Variants in C16orf87 observed in about 807,000 individuals in gnomAD.
C16orf87 encodes the protein HDAC and MIER1 interacting protein 1, also known as UPF0547 protein C16orf87.
C16orf87 carries 13 observed loss-of-function variants against 21.0 expected under a neutral mutation model. That is an observed-to-expected ratio of 0.62 (90% CI 0.40 to 0.98). The LOEUF is 0.98. Ranked by LOEUF, C16orf87 falls within the 50% of genes least tolerant of loss-of-function variation. The probability of loss-of-function intolerance (pLI) is 0.00; values close to 1 mark genes in which losing one functional copy is unlikely to be tolerated. For synonymous variants in C16orf87, 49 were observed against 60.2 expected (o/e 0.81, Z 0.86); for missense variants, 113 against 180.4 (o/e 0.63, Z 2.14).
intron 3 of C16orf87, among the ~76,000 whole-genome samples, chr16:46,805,438 C>T (rs543575448): frequency 6.6e-6 from 1 of 152,260 alleles, no homozygotes; most frequent in African/African-American, 2.4e-5. Flanking sequence ...CATTTTCCAA[C>T]TGGCTTTTTG....
chr16:46,804,904 GA>G (rs1431753203), intron 3 of C16orf87, among the ~76,000 whole-genome samples: 1 of 152,110 alleles, frequency 6.6e-6, no homozygotes, highest in African/African-American at 2.4e-5. Flanking sequence ...ACATGTTTTT[GA>G]AATTCATTGA....
intron 2 of C16orf87, among the ~76,000 whole-genome samples, chr16:46,817,726 G>A (rs1325310243): frequency 6.6e-6 from 1 of 151,642 alleles, no homozygotes. Flanking sequence ...GGATTATCCT[G>A]GGAGTACAAT....
chr16:46,808,135 C>T (rs1567308238), intron 3 of C16orf87: 1 of 454,206 alleles, frequency 2.2e-6, no homozygotes, highest in Non-Finnish European at 4.4e-6. Context: ...TTTCTGCACC[C>T]TATTGTTAAA....
rs1567302599 is a variant in C16orf87, at chr16:46,798,161, C to T, written c.*4791G>A. 2.0e-5 allele frequency: 3 copies of T among 152,128 alleles called. No homozygotes were observed. Among genetic ancestry groups the T allele is most frequent in the Non-Finnish European group, 4.4e-5 (3 of 68,010 alleles). The allele number at this position is 152,128 out of a possible 1,614,324, so 9.4% of individuals were successfully genotyped here. On this transcript the variant is annotated 3_prime_UTR_variant, in exon 4 of 4. Transcript: ENST00000285697. ...CCCAAAGCAAAGAAAGGAGAAAATA[C>T]TAAAGATCAGAAATTAATGAAACTT...
chr16:46,824,962 C>A (rs1186147071), intron 1 of C16orf87, among the ~76,000 whole-genome samples: 2 of 152,094 alleles, frequency 1.3e-5, no homozygotes, highest in Non-Finnish European at 2.9e-5. Context: ...CCACACCCGG[C>A]CTGATACTCA....
At position 46,796,686 on chromosome 16, in the gene C16orf87, TTTG is replaced by T. The variant is rs1356062950; in HGVS notation, c.*6263_*6265del. 1 of 152,226 alleles carries T rather than the reference TTTG, an allele frequency of 6.6e-6. No homozygotes were observed. Among genetic ancestry groups the T allele is most frequent in the African/African-American group, 2.4e-5 (1 of 41,468 alleles). 9.4% of individuals were successfully genotyped at this position (152,226 alleles called of 1,614,324 possible). On this transcript the variant is annotated 3_prime_UTR_variant, in exon 4 of 4. Coordinates refer to ENST00000285697, the MANE Select transcript of C16orf87 (RefSeq NM_001001436.4). ...CATCATGCTGCATACAATATATGAT[TTTG>T]TTAACTGAAATGATTTATTAAAATA...
At chr16:46,815,440 T>C (rs746980563) in intron 2 of C16orf87, among the ~76,000 whole-genome samples, 1 of 150,094 alleles carries the variant, frequency 6.7e-6, no homozygotes, top group Non-Finnish European at 1.5e-5. Context: ...CAAAGGACAC[T>C]ATCAACAGAC....
intron 1 of C16orf87, among the ~76,000 whole-genome samples, chr16:46,825,955 C>T (rs1567317629): frequency 6.6e-6 from 1 of 151,732 alleles, no homozygotes; most frequent in Non-Finnish European, 1.5e-5. Flanking sequence ...CTATAGTCCC[C>T]CTGTTGTGCT....
chr16:46,811,929 G>C (rs1442308074), intron 2 of C16orf87, among the ~76,000 whole-genome samples: 1 of 152,024 alleles, frequency 6.6e-6, no homozygotes, highest in Non-Finnish European at 1.5e-5. Context: ...TCTCAGCCTG[G>C]GTGACAAAGC....
chr16:46,813,436 T>C (rs988731694), intron 2 of C16orf87, among the ~76,000 whole-genome samples: 1 of 143,718 alleles, frequency 7.0e-6, no homozygotes, highest in Admixed American at 7.2e-5. Flanking sequence ...ACAGGCAACA[T>C]CCCAGTCAAA....
chr16:46,811,221 AG>A (rs769551546), intron 2 of C16orf87, among the ~76,000 whole-genome samples: 3 of 152,124 alleles, frequency 2.0e-5, no homozygotes, highest in Non-Finnish European at 2.9e-5. Flanking sequence ...AGAGAGAAGC[AG>A]GCCAGGCGCG....
At chr16:46,822,879 A>T (rs1386530652) in intron 2 of C16orf87, among the ~76,000 whole-genome samples, 1 of 152,150 alleles carries the variant, frequency 6.6e-6, no homozygotes, top group Non-Finnish European at 1.5e-5. Context: ...TACAAACAAA[A>T]TCCAAACTTC....
At chr16:46,812,445 T>A (rs1968117283) in intron 2 of C16orf87, among the ~76,000 whole-genome samples, 1 of 152,224 alleles carries the variant, frequency 6.6e-6, no homozygotes, top group Non-Finnish European at 1.5e-5. Context: ...AATGTTCATC[T>A]TTTGGAAACA....
At chr16:46,827,092 C>T (rs1959647613) in intron 1 of C16orf87, among the ~76,000 whole-genome samples, 2 of 152,188 alleles carry the variant, frequency 1.3e-5, no homozygotes, top group Non-Finnish European at 2.9e-5. Context: ...TTTTCATCCA[C>T]AAATGAAAGT....
intron 2 of C16orf87, among the ~76,000 whole-genome samples, chr16:46,819,174 T>C (rs888835634): frequency 6.6e-6 from 1 of 152,250 alleles, no homozygotes; most frequent in African/African-American, 2.4e-5. Context: ...TTTGTGTGTT[T>C]CGTCCAATTC....
intron 2 of C16orf87, among the ~76,000 whole-genome samples, chr16:46,821,261 T>C (rs1020189244): frequency 9.2e-5 from 14 of 152,210 alleles, no homozygotes; most frequent in African/African-American, 3.4e-4. Context: ...CAAACAACAG[T>C]TGCTCATGGA....
chr16:46,808,229 A>T, intron 3 of C16orf87: 1 of 403,944 alleles, frequency 2.5e-6, no homozygotes, highest in South Asian at 1.9e-5. Flanking sequence ...CCCAAGGAAT[A>T]TGGAGTACCT....
chr16:46,825,567 TACAA>T (rs1014815251), intron 1 of C16orf87, among the ~76,000 whole-genome samples: 14 of 152,204 alleles, frequency 9.2e-5, no homozygotes, highest in African/African-American at 2.7e-4. Flanking sequence ...TCCTTTTTGT[TACAA>T]ACAATCTATA....
Position 46,797,680 on chromosome 16 carries a change from G to T in C16orf87, c.*5272C>A, listed in dbSNP as rs1596795350. 1 of 152,146 alleles carries T rather than the reference G, an allele frequency of 6.6e-6. No individual in the cohort carries two copies. The highest frequency in any genetic ancestry group is 2.4e-5 in the African/African-American group (1 of 41,442). 9.4% of individuals were successfully genotyped at this position (152,146 alleles called of 1,614,324 possible). ...ATTTATAAGAAAATTATAACATAAA[G>T]GGGAGAGGGTAAAGGAATGTAAACA... On this transcript the variant is annotated 3_prime_UTR_variant, in exon 4 of 4. Transcript: ENST00000285697.
Sources: allele counts gnomAD v4.1 joint callset (sites outside exome capture counted in the v4.1 genomes callset), GRCh38; gene constraint gnomAD v4.1.1; transcripts MANE v1.5; gene names NCBI Gene and HGNC (gene_info 2026-07-23, HGNC 2026-07-21).